The following NTM variants were observed in gnomAD, a reference collection of about 807,000 sequenced individuals.
NTM encodes the protein IgLON family member 2.
Under a neutral mutation model 42.1 loss-of-function variants are expected in NTM, and 13 were observed. That is an observed-to-expected ratio of 0.31 (90% CI 0.20 to 0.49). NTM has a LOEUF of 0.49. NTM is among the 20% of genes least tolerant of loss of function. The probability of loss-of-function intolerance (pLI) is 0.99; values close to 1 mark genes in which losing one functional copy is unlikely to be tolerated. For missense variants in NTM, 373 were observed against 452.8 expected (o/e 0.82, Z 1.60); for synonymous variants, 187 against 179.2 (o/e 1.04, Z -0.35).
chr11:131,602,511 T>C (rs1185485886), intron 1 of NTM, among the ~76,000 whole-genome samples: 2 of 152,240 alleles, frequency 1.3e-5, no homozygotes, highest in African/African-American at 4.8e-5. Flanking sequence ...AGTGTTTTCC[T>C]GGCTTGACAA....
chr11:132,015,118 G>GT lies in NTM; in HGVS notation c.167+103477dup, dbSNP rs879650664. Among the ~76,000 whole-genome samples, 5 of 151,796 alleles carry GT rather than the reference G, an allele frequency of 3.3e-5. No individual in the cohort carries two copies. The South Asian group carries it at 8.3e-4, about 25-fold the overall frequency. ...TCATTCTTCTGCATAGGAATATCCA[G>GT]TTTTTTTCAGCACCAATTATTGAAC... On this transcript the variant is annotated intron_variant, in intron 2 of 8. Transcript: ENST00000683400.
intron 1 of NTM, among the ~76,000 whole-genome samples, chr11:131,516,789 G>A (rs2048947846): frequency 6.6e-6 from 1 of 152,222 alleles, no homozygotes; most frequent in African/African-American, 2.4e-5. Context: ...ACTGCTCAGA[G>A]AGAAGGTCGT....
intron 1 of NTM, among the ~76,000 whole-genome samples, chr11:131,818,676 G>A (rs2093050763): frequency 6.6e-6 from 1 of 152,104 alleles, no homozygotes; most frequent in African/African-American, 2.4e-5. Context: ...GATAGCTATT[G>A]CACGTCATTT....
intron 2 of NTM, among the ~76,000 whole-genome samples, chr11:132,071,919 G>C (rs12295759): frequency 6.6e-6 from 1 of 151,892 alleles, no homozygotes; most frequent in Admixed American, 6.5e-5. Context: ...TTCTGTGCTC[G>C]TAACTCACAC....
Position 132,193,594 on chromosome 11 carries a change from C to T in NTM, c.401-18428C>T, listed in dbSNP as rs2079664434. Among the ~76,000 whole-genome samples, 3 of 151,940 alleles carry T rather than the reference C, an allele frequency of 2.0e-5. No homozygotes were observed. The South Asian group carries it at 6.2e-4, about 32-fold the overall frequency. On this transcript the variant is annotated intron_variant, in intron 3 of 8. Transcript: ENST00000683400. ...CTCAAATTAACAACCAAATGTCATA[C>T]CTAGAAGAACTAGTAAAACAAGAGC... is the stretch of plus-strand genomic sequence containing the variant.
intron 1 of NTM, among the ~76,000 whole-genome samples, chr11:131,702,014 A>T (rs1256564391): frequency 6.6e-6 from 1 of 152,180 alleles, no homozygotes; most frequent in Admixed American, 6.5e-5. Flanking sequence ...CCTTGGTGGG[A>T]AAGACGTGGC....
chr11:131,805,040 T>C (rs1189178123), intron 1 of NTM, among the ~76,000 whole-genome samples: 3 of 152,174 alleles, frequency 2.0e-5, no homozygotes, highest in African/African-American at 7.2e-5. Flanking sequence ...GAGAAATAAA[T>C]GTCTGATTTT....
chr11:131,520,740 C>A (rs1329057732), intron 1 of NTM, among the ~76,000 whole-genome samples: 1 of 132,080 alleles, frequency 7.6e-6, no homozygotes, highest in Non-Finnish European at 1.5e-5. Flanking sequence ...TTTATATGTA[C>A]ACTACCCTTA....
At chr11:131,752,281 T>A (rs2082657885) in intron 1 of NTM, among the ~76,000 whole-genome samples, 1 of 152,042 alleles carries the variant, frequency 6.6e-6, no homozygotes, top group Admixed American at 6.6e-5. Context: ...AAAAGACACA[T>A]GAAAAAATGC....
chr11:132,317,533 A>T, intron 7 of NTM: 3 of 412,250 alleles, frequency 7.3e-6, no homozygotes, highest in Admixed American at 6.8e-5. Context: ...TTTTTTATAT[A>T]ATCCCCCAGA....
intron 1 of NTM, among the ~76,000 whole-genome samples, chr11:131,751,186 A>G (rs768914194): frequency 6.6e-6 from 1 of 152,320 alleles, no homozygotes; most frequent in East Asian, 1.9e-4. Flanking sequence ...TTGTAATCCC[A>G]GCACTTTGGC....
chr11:132,328,769 A>G (rs945809304), intron 7 of NTM, among the ~76,000 whole-genome samples: 1 of 152,088 alleles, frequency 6.6e-6, no homozygotes, highest in African/African-American at 2.4e-5. Context: ...GAGAGGATCA[A>G]AAATCACCGG....
chr11:131,774,316 T>A (rs547861823), intron 1 of NTM, among the ~76,000 whole-genome samples: 1 of 152,222 alleles, frequency 6.6e-6, no homozygotes, highest in Non-Finnish European at 1.5e-5. Context: ...GCTCCTCATG[T>A]CTGTCTTCCC....
chr11:132,093,588 T>C (rs1451737121), intron 2 of NTM, among the ~76,000 whole-genome samples: 1 of 152,188 alleles, frequency 6.6e-6, no homozygotes, highest in Non-Finnish European at 1.5e-5. Flanking sequence ...CATTTATAAA[T>C]CTGTCTTTTT....
At chr11:131,732,070 C>T (rs923883142) in intron 1 of NTM, among the ~76,000 whole-genome samples, 10 of 152,090 alleles carry the variant, frequency 6.6e-5, no homozygotes, top group African/African-American at 2.4e-4. Flanking sequence ...CTCTCTGGAC[C>T]CCCACGTATT....
At chr11:132,158,715 G>A (rs2073710271) in intron 3 of NTM, among the ~76,000 whole-genome samples, 2 of 152,360 alleles carry the variant, frequency 1.3e-5, no homozygotes, top group African/African-American at 4.8e-5. Flanking sequence ...TTGGTCAGGC[G>A]TGAGAGCATG....
intron 2 of NTM, among the ~76,000 whole-genome samples, chr11:132,027,280 T>C (rs1196145636): frequency 6.6e-6 from 1 of 152,242 alleles, no homozygotes; most frequent in Non-Finnish European, 1.5e-5. Flanking sequence ...GATTGTCTTA[T>C]GCTGATCTGA....
At chr11:132,271,307 A>G (rs4937689) in intron 4 of NTM, among the ~76,000 whole-genome samples, 32,246 of 152,106 alleles carry the variant, frequency 0.21, 4,471 homozygotes, top group East Asian at 0.66. Context: ...GTGGATGGAC[A>G]TTTGGGTTGC....
chr11:131,873,233 C>T (rs574984464), intron 1 of NTM, among the ~76,000 whole-genome samples: 2 of 152,068 alleles, frequency 1.3e-5, no homozygotes, highest in Non-Finnish European at 2.9e-5. Context: ...AAGCTGGAAA[C>T]CATCATTCTC....
Sources: allele counts gnomAD v4.1 joint callset (sites outside exome capture counted in the v4.1 genomes callset), GRCh38; gene constraint gnomAD v4.1.1; transcripts MANE v1.5; gene names NCBI Gene and HGNC (gene_info 2026-07-23, HGNC 2026-07-21).